Variants in FRMD4A observed in about 807,000 individuals in gnomAD.
FRMD4A encodes the protein FERM domain containing 4A.
FRMD4A carries 29 observed loss-of-function variants against 129.1 expected under a neutral mutation model. The ratio of observed to expected loss-of-function variants is 0.22; its 90% CI spans 0.17 to 0.31. The LOEUF (loss-of-function observed/expected upper bound fraction) is 0.31, where lower values mean the gene tolerates loss of function less well. Among genes scored for constraint, FRMD4A ranks in the 10% least tolerant of loss-of-function variants. The pLI, the probability that FRMD4A is intolerant of heterozygous loss-of-function variation, is 1.00. For synonymous variants in FRMD4A, 634 were observed against 571.6 expected (o/e 1.11, Z -1.56); for missense variants, 1,272 against 1,375.8 (o/e 0.92, Z 1.19).
chr10:13,980,193 A>T (rs1244567165), intron 2 of FRMD4A, among the ~76,000 whole-genome samples: 1 of 152,198 alleles, frequency 6.6e-6, no homozygotes, highest in East Asian at 1.9e-4. Flanking sequence ...AAGAAAGCAG[A>T]GGTGTAAATG....
intron 2 of FRMD4A, among the ~76,000 whole-genome samples, chr10:13,921,210 C>CT (rs1197541724): frequency 7.5e-6 from 1 of 133,552 alleles, no homozygotes; most frequent in Non-Finnish European, 1.6e-5. Context: ...TTTTCTCTCT[C>CT]TTTTTCTTTC....
chr10:14,163,615 A>T (rs1159854710), intron 2 of FRMD4A, among the ~76,000 whole-genome samples: 3 of 152,206 alleles, frequency 2.0e-5, no homozygotes, highest in Non-Finnish European at 2.9e-5. Context: ...ACTCGTTACG[A>T]GCACTTAATA....
At chr10:14,067,981 G>C (rs1437335399) in intron 2 of FRMD4A, among the ~76,000 whole-genome samples, 1 of 152,178 alleles carries the variant, frequency 6.6e-6, no homozygotes, top group East Asian at 1.9e-4. Flanking sequence ...AACTAGCACT[G>C]GATAAGTCTT....
chr10:14,220,076 A>C (rs1843199433), intron 2 of FRMD4A, among the ~76,000 whole-genome samples: 1 of 152,128 alleles, frequency 6.6e-6, no homozygotes, highest in South Asian at 2.1e-4. Context: ...GGTCCTGACA[A>C]TCCCGGGTCT....
intron 2 of FRMD4A, among the ~76,000 whole-genome samples, chr10:14,253,172 A>C (rs972260436): frequency 2.6e-5 from 4 of 152,228 alleles, no homozygotes; most frequent in Non-Finnish European, 4.4e-5. Flanking sequence ...TTATGTTAAA[A>C]ACTGTTGTTT....
chr10:13,682,181 G>A (rs1000922916), intron 15 of FRMD4A, among the ~76,000 whole-genome samples: 6 of 151,998 alleles, frequency 3.9e-5, no homozygotes, highest in South Asian at 2.1e-4. Context: ...CTGTGATTGC[G>A]CCACTGCACT....
At chr10:13,977,071 C>G (rs2095544469) in intron 2 of FRMD4A, among the ~76,000 whole-genome samples, 1 of 152,084 alleles carries the variant, frequency 6.6e-6, no homozygotes, top group African/African-American at 2.4e-5. Flanking sequence ...AGATCAATAG[C>G]CGATTTATTC....
intron 2 of FRMD4A, among the ~76,000 whole-genome samples, chr10:14,135,028 A>T (rs1564327660): frequency 1.3e-5 from 2 of 152,232 alleles, no homozygotes; most frequent in Admixed American, 6.5e-5. Context: ...GAGGTTGCAC[A>T]TGTAACCTAC....
chr10:13,750,069 G>GAAGGAAGAAAGAAAGAAAGAAAGA (rs1382966135), intron 8 of FRMD4A, among the ~76,000 whole-genome samples: 5 of 55,600 alleles, frequency 9.0e-5, no homozygotes, highest in South Asian at 7.0e-4. Flanking sequence ...AGGAAGGAAG[G>GAAGGAAGAAAGAAAGAAAGAAAGA]AAGAAAGAAA....
chr10:14,284,415 G>A (rs535977318), intron 2 of FRMD4A, among the ~76,000 whole-genome samples: 22 of 152,262 alleles, frequency 1.4e-4, no homozygotes, highest in African/African-American at 5.3e-4. Flanking sequence ...TTGGGAGGCC[G>A]AGGCGGATGG....
At chr10:13,707,506 G>T in intron 12 of FRMD4A, 1 of 1,007,412 alleles carries the variant, frequency 9.9e-7, no homozygotes, top group Non-Finnish European at 1.2e-6. Flanking sequence ...GGTGAGGGGA[G>T]AGGAGCGAGA....
At chr10:14,076,597 G>A (rs1165276120) in intron 2 of FRMD4A, among the ~76,000 whole-genome samples, 1 of 151,744 alleles carries the variant, frequency 6.6e-6, no homozygotes, top group Non-Finnish European at 1.5e-5. Context: ...CTGAGATCAC[G>A]CCACTGCACT....
At chr10:13,748,245 G>C (rs1283687019) in intron 8 of FRMD4A, among the ~76,000 whole-genome samples, 1 of 152,182 alleles carries the variant, frequency 6.6e-6, no homozygotes, top group East Asian at 1.9e-4. Flanking sequence ...GGGCAATGGC[G>C]CCACTGTCTC....
chr10:14,178,850 G>A (rs921944557), intron 2 of FRMD4A, among the ~76,000 whole-genome samples: 3 of 152,058 alleles, frequency 2.0e-5, no homozygotes, highest in Non-Finnish European at 4.4e-5. Flanking sequence ...TACACCACAA[G>A]AGAAAGGGAG....
intron 2 of FRMD4A, among the ~76,000 whole-genome samples, chr10:14,204,555 C>G (rs927592406): frequency 3.3e-5 from 5 of 152,144 alleles, no homozygotes; most frequent in Non-Finnish European, 5.9e-5. Flanking sequence ...ACGGTTCATT[C>G]CTTTTCTCGC....
intron 2 of FRMD4A, among the ~76,000 whole-genome samples, chr10:14,206,402 A>G (rs1212387389): frequency 1.3e-5 from 2 of 152,186 alleles, no homozygotes; most frequent in Admixed American, 1.3e-4. Flanking sequence ...TTGAATTTCA[A>G]TATCTTCATC....
intron 2 of FRMD4A, among the ~76,000 whole-genome samples, chr10:14,067,884 C>T (rs1835139479): frequency 1.3e-5 from 2 of 152,126 alleles, no homozygotes; most frequent in Admixed American, 1.3e-4. Flanking sequence ...AATGTATATA[C>T]ACAAACAGAG....
At chr10:13,989,383 G>A (rs186539080) in intron 2 of FRMD4A, among the ~76,000 whole-genome samples, 4 of 151,972 alleles carry the variant, frequency 2.6e-5, no homozygotes, top group African/African-American at 4.8e-5. Context: ...TTGAGACGGC[G>A]CCTCGCTCTG....
rs143046552 is a variant in FRMD4A, at chr10:14,120,266, G to A, written c.45+209792C>T. Reference sequence around the variant, plus strand: ...TGCTTTTTTTTTTCTGAAGTCTTGAGCCTTCATATGTCCCTCTGCCTAGTT... The same window carrying A: ...TGCTTTTTTTTTTCTGAAGTCTTGAACCTTCATATGTCCCTCTGCCTAGTT... On this transcript the variant is annotated intron_variant, in intron 2 of 24. Transcript: ENST00000357447. Among the ~76,000 whole-genome samples the A allele has an allele frequency of 4.0e-5, 6 of 151,818 alleles. No homozygotes were observed. In the East Asian group the frequency reaches 9.7e-4, roughly 24 times the overall value.
Sources: gnomAD v4.1 joint callset for allele counts (sites outside exome capture counted in the v4.1 genomes callset) on GRCh38, gnomAD v4.1.1 for gene constraint, MANE v1.5 for transcripts, NCBI Gene and HGNC (gene_info 2026-07-23, HGNC 2026-07-21) for gene names.